PLEKHM1: variants seen among roughly 807,000 people sequenced by gnomAD.
The protein encoded by PLEKHM1 is pleckstrin homology and RUN domain containing M1.
A neutral mutation model predicts 94.3 loss-of-function variants in PLEKHM1; 28 were observed. The ratio of observed to expected loss-of-function variants is 0.30; its 90% confidence interval spans 0.22 to 0.41. The LOEUF (loss-of-function observed/expected upper bound fraction) is 0.41, where lower values mean the gene tolerates loss of function less well. Among genes scored for constraint, PLEKHM1 ranks in the 10% least tolerant of loss-of-function variants. PLEKHM1 has a pLI of 1.00. For missense variants in PLEKHM1, 907 were observed against 1,358.6 expected (o/e 0.67, Z 5.22); for synonymous variants, 424 against 581.2 (o/e 0.73, Z 3.89).
At chr17:45,468,889 A>G (rs988480957) in intron 4 of PLEKHM1, among the ~76,000 whole-genome samples, 2 of 152,108 alleles carry the variant, frequency 1.3e-5, no homozygotes, top group Non-Finnish European at 2.9e-5. Context: ...ACTTACTGGC[A>G]TTCTGAGCAG....
chr17:45,448,686 C>A (rs1304492936), intron 8 of PLEKHM1, among the ~76,000 whole-genome samples: 1 of 152,110 alleles, frequency 6.6e-6, no homozygotes. Flanking sequence ...ACCTGCCCTC[C>A]CAACAACCCC....
At chr17:45,440,467 G>T in intron 9 of PLEKHM1, 1 of 603,990 alleles carries the variant, frequency 1.7e-6, no homozygotes, top group Non-Finnish European at 2.9e-6. Context: ...TTCCCTCTCT[G>T]GGAAATGGAG....
chr17:45,484,516 T>C (rs2052049728), intron 1 of PLEKHM1, among the ~76,000 whole-genome samples: 3 of 152,348 alleles, frequency 2.0e-5, no homozygotes, highest in Middle Eastern at 6.8e-3. Flanking sequence ...CCCACCAATG[T>C]ATACCTTACA....
intron 8 of PLEKHM1, among the ~76,000 whole-genome samples, chr17:45,447,018 T>C (rs2050628225): frequency 1.3e-5 from 2 of 152,148 alleles, no homozygotes; most frequent in Non-Finnish European, 2.9e-5. Flanking sequence ...TGGAGCTTCT[T>C]TTTCATGGGA....
At chr17:45,475,923 G>A in intron 3 of PLEKHM1, 197 bp from the exon 4 acceptor site, 1 of 662,882 alleles carries the variant, frequency 1.5e-6, no homozygotes. Flanking sequence ...CAAGGCAGGT[G>A]GATCACTTGA....
Position 45,477,949 on chromosome 17 carries a change from G to T in PLEKHM1, c.247C>A (p.Pro83Thr). The change falls in exon 3 of 12, where the codon CCT becomes ACT. Residue 83 changes from proline (P) to threonine (T), a missense_variant. Coordinates refer to ENST00000430334, the MANE Select transcript of PLEKHM1 (RefSeq NM_014798.3). ...GKRKKSAHQK[P>T]LPQPVFWPLL... ...GGCCAGAAGACAGGCTGGGGCAGAG[G>T]CTTCTGGTGGGCACTTTTCTTCCTT... is the stretch of plus-strand genomic sequence containing the variant. 1 of 1,613,990 alleles carries T rather than the reference G, an allele frequency of 6.2e-7. No homozygotes were observed. The highest frequency in any genetic ancestry group is 8.5e-7 in the Non-Finnish European group (1 of 1,179,962).
chr17:45,468,262 GGGCCTTCTGCA>G lies in PLEKHM1; in HGVS notation c.1244_1254del (p.Leu415ProfsTer4), dbSNP rs1370081082. ...TTCAGACCAGCTCCGTCATGAGCCT[GGGCCTTCTGCA>G]GGCCATTCCCTTGGCCCACTTCTCT... is the stretch of plus-strand genomic sequence containing the variant. On this transcript the variant is annotated frameshift_variant, in exon 5 of 12. Coordinates refer to ENST00000430334, the MANE Select transcript of PLEKHM1 (RefSeq NM_014798.3). LOFTEE classifies it high-confidence loss of function. 1.2e-6 allele frequency: 2 copies of G among 1,612,976 alleles called. No individual in the cohort carries two copies. The highest frequency in any genetic ancestry group is 2.7e-5 in the African/African-American group (2 of 74,880).
chr17:45,463,078 T>G, intron 5 of PLEKHM1, among the ~76,000 whole-genome samples: 1 of 140,628 alleles, frequency 7.1e-6, no homozygotes. Context: ...AGCACAAGAG[T>G]CTGTGTCAAA....
intron 7 of PLEKHM1, among the ~76,000 whole-genome samples, chr17:45,451,266 T>C (rs1224977514): frequency 6.6e-6 from 1 of 152,146 alleles, no homozygotes; most frequent in Non-Finnish European, 1.5e-5. Flanking sequence ...AGGGAGCGGA[T>C]GGGCAGCCAG....
intron 1 of PLEKHM1, among the ~76,000 whole-genome samples, chr17:45,483,150 CG>C (rs2052008436): frequency 6.6e-6 from 1 of 151,806 alleles, no homozygotes; most frequent in Non-Finnish European, 1.5e-5. Flanking sequence ...CGTGTCTAAC[CG>C]GGATGACCAT....
In PLEKHM1 at chr17:45,445,506, A is replaced by G. The variant is rs542411398; in HGVS notation, c.2801T>C (p.Leu934Pro). Residue 934 changes from leucine to proline, a missense_variant, in exon 9 of 12, where the codon CTG becomes CCG. Physicochemically the swap from Leu to Pro is moderately conservative, Grantham distance 98. Coordinates refer to ENST00000430334, the MANE Select transcript of PLEKHM1 (RefSeq NM_014798.3). This position sits in a 1 kb window ranked among gnomAD's most constrained non-coding sequence, Gnocchi z 4.2. ...CTCCTTCAGGGCGCCACTCCGGCACAGGCCCAGGTAATCCCCCAGGAGCTT... is the reference window on the plus strand; with the variant it reads ...CTCCTTCAGGGCGCCACTCCGGCACGGGCCCAGGTAATCCCCCAGGAGCTT... Reference protein sequence around the residue: ...QLKLLGDYLGLCRSGALKELS... With the variant: ...QLKLLGDYLGPCRSGALKELS... 1.6e-5 allele frequency: 26 copies of G among 1,613,880 alleles called. No individual in the cohort carries two copies. In the East Asian group the frequency reaches 4.9e-4, roughly 30 times the overall value.
downstream of PLEKHM1, among the ~76,000 whole-genome samples, chr17:45,435,645 C>G (rs2050235513): frequency 6.6e-6 from 1 of 152,212 alleles, no homozygotes; most frequent in Admixed American, 6.5e-5. Context: ...TGTGGGTACA[C>G]CTCCCCAGAG....
At position 45,444,552 on chromosome 17, in the gene PLEKHM1, G is replaced by A. The variant is rs1198338561; in HGVS notation, c.2837+918C>T. On this transcript the variant is annotated intron_variant, in intron 9 of 11. Coordinates refer to ENST00000430334, the MANE Select transcript of PLEKHM1 (RefSeq NM_014798.3). This position sits in a 1 kb window ranked among gnomAD's most constrained non-coding sequence, Gnocchi z 5.0. Reference sequence around the variant, plus strand: ...GGAGGGAGGCTGGCATGGGCCAGACGACTGGCTGGTACAGGGAAGAGATGG... The same window carrying A: ...GGAGGGAGGCTGGCATGGGCCAGACAACTGGCTGGTACAGGGAAGAGATGG... 6.6e-6 allele frequency among the ~76,000 whole-genome samples: 1 copy of A among 152,202 alleles called. No individual in the cohort carries two copies. Among genetic ancestry groups the A allele is most frequent in the South Asian group, 2.1e-4 (1 of 4,836 alleles).
intron 11 of PLEKHM1, 62 bp from the exon 12 acceptor site, chr17:45,438,031 C>G: frequency 7.9e-7 from 1 of 1,272,472 alleles, no homozygotes; most frequent in Non-Finnish European, 1.1e-6. Context: ...TGTGGCCACG[C>G]TGGCCAGCCC....
At chr17:45,476,566 C>T (rs911517670) in intron 3 of PLEKHM1, among the ~76,000 whole-genome samples, 5 of 152,166 alleles carry the variant, frequency 3.3e-5, no homozygotes, top group Admixed American at 6.5e-5. Flanking sequence ...AGCTGTGCAC[C>T]AGAACCCCCT....
intron 7 of PLEKHM1, among the ~76,000 whole-genome samples, chr17:45,452,457 C>T (rs1193439343): frequency 6.6e-6 from 1 of 150,394 alleles, no homozygotes; most frequent in Non-Finnish European, 1.5e-5. Context: ...AAGGAAAATT[C>T]TGCCTCTGCC....
At position 45,437,659 on chromosome 17, in the gene PLEKHM1, G is replaced by A. The variant is rs1320419947; in HGVS notation, c.*199C>T. 7 of 688,620 alleles carry A rather than the reference G, an allele frequency of 1.0e-5. No individual in the cohort carries two copies. Among genetic ancestry groups the A allele is most frequent in the Middle Eastern group, 3.2e-4 (1 of 3,120 alleles). 42.7% of individuals were successfully genotyped at this position (688,620 alleles called of 1,614,324 possible). ...TGGCCACGCCTCCTGCAGCAGAGGG[G>A]TGGGGGGAGGGCCAGGGGACACCAC... On this transcript the variant is annotated 3_prime_UTR_variant, in exon 12 of 12. Coordinates refer to ENST00000430334, the MANE Select transcript of PLEKHM1 (RefSeq NM_014798.3). This position sits in a 1 kb window ranked among gnomAD's most constrained non-coding sequence, Gnocchi z 4.0.
chr17:45,458,500 T>C (rs1332405183), intron 5 of PLEKHM1, 61 bp from the exon 6 acceptor site: 3 of 1,512,892 alleles, frequency 2.0e-6, no homozygotes, highest in African/African-American at 2.8e-5. Flanking sequence ...AGACGGAGTC[T>C]CGCTCTGTTG....
intron 1 of PLEKHM1, among the ~76,000 whole-genome samples, 165 bp downstream of exon 1, chr17:45,490,487 G>A (rs2052279108): frequency 6.6e-6 from 1 of 152,186 alleles, no homozygotes. Flanking sequence ...CTGGGTCGGA[G>A]AGGAGCGGGC....
Sources: gnomAD v4.1 joint callset for allele counts (sites outside exome capture counted in the v4.1 genomes callset) on GRCh38, gnomAD v4.1.1 for gene constraint, Gnocchi (gnomAD v3.1) non-coding constraint, MANE v1.5 for transcripts, NCBI Gene and HGNC (gene_info 2026-07-23, HGNC 2026-07-21) for gene names.